The following TMEM108 variants were observed in gnomAD, a reference collection of about 807,000 sequenced individuals.
The protein encoded by TMEM108 is cancer/testis antigen 124.
A neutral mutation model predicts 35.1 loss-of-function variants in TMEM108; 12 were observed. That is an observed-to-expected ratio of 0.34 (90% confidence interval 0.22 to 0.55). The LOEUF (loss-of-function observed/expected upper bound fraction) is 0.55. TMEM108 is among the 20% of genes least tolerant of loss of function. The pLI is 0.89. For missense variants in TMEM108, 680 were observed against 753.3 expected, an observed-to-expected ratio of 0.90 and a Z score of 1.14; for synonymous variants, 287 against 308.6, an observed-to-expected ratio of 0.93 and a Z score of 0.73.
At chr3:133,075,961 A>C (rs1943737924) in intron 2 of TMEM108, among the ~76,000 whole-genome samples, 1 of 152,100 alleles carries the variant, frequency 6.6e-6, no homozygotes, top group African/African-American at 2.4e-5. Flanking sequence ...TGAAAGAGTG[A>C]GGAAAGATTG....
intron 2 of TMEM108, among the ~76,000 whole-genome samples, chr3:133,048,605 A>G (rs1256670638): frequency 6.6e-6 from 1 of 152,198 alleles, no homozygotes; most frequent in Non-Finnish European, 1.5e-5. Flanking sequence ...GCAGGTTTGC[A>G]TTCCCCCTTG....
At chr3:133,144,013 T>A (rs533625222) in intron 2 of TMEM108, among the ~76,000 whole-genome samples, 30 of 151,702 alleles carry the variant, frequency 2.0e-4, no homozygotes, top group African/African-American at 7.3e-4. Flanking sequence ...GGGGTACATG[T>A]GCAGAACGTG....
intron 3 of TMEM108, among the ~76,000 whole-genome samples, chr3:133,235,327 G>A (rs1946219320): frequency 6.6e-6 from 1 of 152,080 alleles, no homozygotes; most frequent in East Asian, 1.9e-4. Flanking sequence ...AAAGCTGGAG[G>A]CATCACGCTA....
At chr3:133,352,617 C>T (rs2072037867) in intron 3 of TMEM108, among the ~76,000 whole-genome samples, 2 of 152,172 alleles carry the variant, frequency 1.3e-5, no homozygotes, top group Non-Finnish European at 2.9e-5. Flanking sequence ...TTACAGAATT[C>T]AGGAAAACCA....
At chr3:133,229,166 T>G in intron 2 of TMEM108, 100 bp from the exon 3 acceptor site, 1 of 678,248 alleles carries the variant, frequency 1.5e-6, no homozygotes, top group Non-Finnish European at 2.4e-6. Context: ...TGAAATTGGG[T>G]AAGTTAGGCA....
intron 3 of TMEM108, among the ~76,000 whole-genome samples, chr3:133,326,498 G>A (rs751606279): frequency 3.3e-5 from 5 of 152,124 alleles, no homozygotes; most frequent in African/African-American, 7.2e-5. Flanking sequence ...TCACCTTACT[G>A]GGCCTTTATG....
chr3:133,380,895 G>A lies in TMEM108; in HGVS notation c.1184G>A (p.Ser395Asn). 2 of 1,614,144 alleles carry A rather than the reference G, an allele frequency of 1.2e-6. No homozygotes were observed. Among genetic ancestry groups the A allele is most frequent in the Non-Finnish European group, 1.7e-6 (2 of 1,180,014 alleles). ...APTHPSRVSESTISGAKEETV... is the reference protein window; with the variant it reads ...APTHPSRVSENTISGAKEETV... ...ACCCATCCCTCCAGGGTCTCAGAAA[G>A]CACTATTTCTGGAGCCAAGGAGGAG... Residue 395 changes from serine to asparagine, a missense_variant, in exon 4 of 6, where the codon AGC becomes AAC. Ser to Asn is a conservative substitution (Grantham distance 46, BLOSUM62 1). Coordinates refer to ENST00000321871, the MANE Select transcript of TMEM108 (RefSeq NM_023943.4). The surrounding 1 kb of genome is among the most constrained non-coding windows in gnomAD (Gnocchi z 5.3).
At chr3:133,080,533 C>G (rs1048966108) in intron 2 of TMEM108, among the ~76,000 whole-genome samples, 1 of 152,224 alleles carries the variant, frequency 6.6e-6, no homozygotes, top group Non-Finnish European at 1.5e-5. Flanking sequence ...AACACTTTCT[C>G]CCCTGGAATC....
chr3:133,170,954 T>G (rs1457322373), intron 2 of TMEM108, among the ~76,000 whole-genome samples: 1 of 152,200 alleles, frequency 6.6e-6, no homozygotes, highest in Non-Finnish European at 1.5e-5. Flanking sequence ...AGACAAGTGA[T>G]GAAGATTAGG....
rs76875004 is a variant in TMEM108, at chr3:133,184,416, G to A, written c.-46-44850G>A. ...TTTCTTGCATAAATCATCCTCTAAT[G>A]TATCAGCTACATTTCTACTTGCATT... On this transcript the variant is annotated intron_variant, in intron 2 of 5. Coordinates refer to ENST00000321871, the MANE Select transcript of TMEM108 (RefSeq NM_023943.4). 1.8e-3 allele frequency among the ~76,000 whole-genome samples: 274 copies of A among 152,164 alleles called. 1 individual carries two copies. The highest frequency in any genetic ancestry group is 6.1e-3 in the African/African-American group (254 of 41,536).
intron 3 of TMEM108, among the ~76,000 whole-genome samples, chr3:133,290,814 C>T (rs1256157152): frequency 2.0e-5 from 3 of 151,990 alleles, no homozygotes. Flanking sequence ...TCCAGTGGAA[C>T]CTGAACTTTG....
At chr3:133,180,653 G>A (rs1293730177) in intron 2 of TMEM108, among the ~76,000 whole-genome samples, 1 of 151,950 alleles carries the variant, frequency 6.6e-6, no homozygotes, top group Non-Finnish European at 1.5e-5. Flanking sequence ...GGTAACTTTG[G>A]TAAAATGTTC....
At chr3:133,080,997 T>C (rs1943802755) in intron 2 of TMEM108, among the ~76,000 whole-genome samples, 1 of 152,100 alleles carries the variant, frequency 6.6e-6, no homozygotes, top group African/African-American at 2.4e-5. Flanking sequence ...ACCAGATGGG[T>C]GATCTTGGGT....
At position 133,048,496 on chromosome 3, in the gene TMEM108, C is replaced by T. The variant is rs74609749; in HGVS notation, c.-47+2476C>T. Among the ~76,000 whole-genome samples, 1,113 of 152,302 alleles carry T rather than the reference C, an allele frequency of 7.3e-3. 17 individuals carry two copies. The highest frequency in any genetic ancestry group is 0.025 in the African/African-American group (1,020 of 41,560). On this transcript the variant is annotated intron_variant, in intron 2 of 5. Coordinates refer to ENST00000321871, the MANE Select transcript of TMEM108 (RefSeq NM_023943.4). ...TGGAATGGTCAAAGAGGCCATAACTCTGACCTAGACCTGAAGTGTAACCTG... is the reference window on the plus strand; with the variant it reads ...TGGAATGGTCAAAGAGGCCATAACTTTGACCTAGACCTGAAGTGTAACCTG...
intron 2 of TMEM108, among the ~76,000 whole-genome samples, chr3:133,203,906 C>T (rs1448592312): frequency 6.6e-6 from 1 of 152,142 alleles, no homozygotes; most frequent in Non-Finnish European, 1.5e-5. Flanking sequence ...TAAAATTCAG[C>T]TGTGACTCCA....
chr3:133,393,656 G>T (rs1211796630), intron 5 of TMEM108, among the ~76,000 whole-genome samples: 1 of 152,174 alleles, frequency 6.6e-6, no homozygotes, highest in East Asian at 1.9e-4. Context: ...AGGTGTTCCT[G>T]AGATCTGTTG....
chr3:133,156,597 A>C (rs181832395), intron 2 of TMEM108, among the ~76,000 whole-genome samples: 36 of 152,350 alleles, frequency 2.4e-4, no homozygotes, highest in Non-Finnish European at 4.6e-4. Context: ...GATAGAACCC[A>C]AACTACAAGG....
intron 3 of TMEM108, among the ~76,000 whole-genome samples, chr3:133,277,698 G>A (rs1012442429): frequency 1.3e-5 from 2 of 152,188 alleles, no homozygotes; most frequent in Non-Finnish European, 2.9e-5. Context: ...GTAAAATGGG[G>A]CACTGTAACT....
At chr3:133,077,769 G>A in intron 2 of TMEM108, among the ~76,000 whole-genome samples, 1 of 152,052 alleles carries the variant, frequency 6.6e-6, no homozygotes. Flanking sequence ...TGCTGCTTAG[G>A]GATACAGGAG....
Sources: gnomAD v4.1 joint callset for allele counts (sites outside exome capture counted in the v4.1 genomes callset) on GRCh38, gnomAD v4.1.1 for gene constraint, Gnocchi (gnomAD v3.1) non-coding constraint, MANE v1.5 for transcripts, NCBI Gene and HGNC (gene_info 2026-07-23, HGNC 2026-07-21) for gene names.